Variants in DLGAP2 observed in about 807,000 individuals in gnomAD.
The protein encoded by DLGAP2 is DLG associated protein 2.
Under a neutral mutation model 100.3 loss-of-function variants are expected in DLGAP2, and 26 were observed. The ratio of observed to expected loss-of-function variants is 0.26; its 90% CI spans 0.19 to 0.36. The LOEUF is 0.36. Ranked by LOEUF, DLGAP2 falls within the 10% of genes least tolerant of loss-of-function variation. The pLI, the probability that DLGAP2 is intolerant of heterozygous loss-of-function variation, is 1.00. For synonymous variants in DLGAP2, 886 were observed against 630.1 expected (o/e 1.41, Z -6.08); for missense variants, 1,858 against 1,453.2 (o/e 1.28, Z -4.53).
chr8:1,498,234 G>C (rs1264396026), intron 3 of DLGAP2, among the ~76,000 whole-genome samples: 2 of 152,176 alleles, frequency 1.3e-5, no homozygotes, highest in Non-Finnish European at 2.9e-5. Flanking sequence ...GAAGCCTCCA[G>C]GCAGCAGGCT....
rs531901587 is a variant in DLGAP2, at chr8:1,598,048, A to C, written c.1443-28692A>C. Among the ~76,000 whole-genome samples the C allele has an allele frequency of 2.0e-5, 3 of 152,300 alleles. No individual in the cohort carries two copies. In the South Asian group the frequency reaches 6.2e-4, roughly 32 times the overall value. On this transcript the variant is annotated intron_variant, in intron 6 of 14. Transcript: ENST00000637795. ...ATTGAGATACTTCACATCAATACCT[A>C]GTTTATTGAGAGCTTTTAGCATGAA...
At chr8:954,149 G>A (rs980988059) in intron 2 of DLGAP2, among the ~76,000 whole-genome samples, 1 of 152,086 alleles carries the variant, frequency 6.6e-6, no homozygotes, top group African/African-American at 2.4e-5. Context: ...CACTGCCTAA[G>A]AGAAATTTTT....
intron 3 of DLGAP2, among the ~76,000 whole-genome samples, chr8:1,429,996 G>GTATATATATATATATATATATA (rs1797366228): frequency 3.7e-4 from 1 of 2,668 alleles, no homozygotes; most frequent in African/African-American, 6.5e-4. Context: ...GGGGAGAGAT[G>GTATATATATATATATATATATA]CATATATATA....
intron 3 of DLGAP2, among the ~76,000 whole-genome samples, chr8:1,457,744 C>T (rs1798354482): frequency 2.6e-5 from 4 of 151,894 alleles, no homozygotes; most frequent in South Asian, 2.1e-4. Context: ...CCACACACCT[C>T]CCCCGTCCCA....
intron 1 of DLGAP2, among the ~76,000 whole-genome samples, chr8:871,054 G>C (rs927305858): frequency 7.9e-5 from 12 of 152,188 alleles, no homozygotes; most frequent in Non-Finnish European, 1.5e-4. Context: ...CCTTCCCTGA[G>C]ATGTTCTGTG....
rs911576328 is a variant in DLGAP2 at position 1,703,443 on chromosome 8, T to C, written c.*2037T>C. 6.6e-6 allele frequency: 1 copy of C among 152,654 alleles called. No homozygotes were observed. Among genetic ancestry groups the C allele is most frequent in the African/African-American group, 2.4e-5 (1 of 41,452 alleles). The allele number at this position is 152,654 out of a possible 1,614,324, so 9.5% of individuals were successfully genotyped here. ...CTTCTTCCTATATCCACTCTTATTA[T>C]GTTAAAACAAATGTATTTGCGAGTA... On this transcript the variant is annotated 3_prime_UTR_variant, in exon 15 of 15. Coordinates refer to ENST00000637795, the MANE Select transcript of DLGAP2 (RefSeq NM_001346810.2).
intron 3 of DLGAP2, among the ~76,000 whole-genome samples, chr8:1,308,562 G>C (rs1800544026): frequency 6.6e-6 from 1 of 152,172 alleles, no homozygotes; most frequent in Admixed American, 6.5e-5. Flanking sequence ...TTTCACTCTT[G>C]TTGCCCAGGC....
intron 6 of DLGAP2, among the ~76,000 whole-genome samples, chr8:1,603,717 C>G (rs570698610): frequency 6.6e-6 from 1 of 152,116 alleles, no homozygotes; most frequent in Non-Finnish European, 1.5e-5. Flanking sequence ...GCTCAGCATC[C>G]AGCTCATAGT....
At chr8:1,330,223 A>C (rs536243130) in intron 3 of DLGAP2, among the ~76,000 whole-genome samples, 110 of 145,910 alleles carry the variant, frequency 7.5e-4, no homozygotes, top group African/African-American at 2.7e-3. Context: ...ACTACTTCAC[A>C]GGGACTGAGT....
chr8:1,550,073 A>G (rs905757969), intron 5 of DLGAP2, among the ~76,000 whole-genome samples: 1 of 152,000 alleles, frequency 6.6e-6, no homozygotes, highest in African/African-American at 2.4e-5. Context: ...CTCTGCTCCT[A>G]TGAGTTCAGC....
chr8:925,768 G>A (rs1798801433), intron 2 of DLGAP2, among the ~76,000 whole-genome samples: 1 of 152,160 alleles, frequency 6.6e-6, no homozygotes, highest in Admixed American at 6.5e-5. Context: ...TGACGAGTCT[G>A]AGATCTGCTC....
chr8:1,476,978 A>G (rs1433408788), intron 3 of DLGAP2, among the ~76,000 whole-genome samples: 3 of 152,200 alleles, frequency 2.0e-5, no homozygotes, highest in Non-Finnish European at 4.4e-5. Context: ...TGTGATCTGT[A>G]TGCTTTGTGT....
chr8:1,125,883 A>G (rs1796152141), intron 2 of DLGAP2, among the ~76,000 whole-genome samples: 1 of 152,218 alleles, frequency 6.6e-6, no homozygotes, highest in African/African-American at 2.4e-5. Context: ...GCAGAAAGGC[A>G]GGGAGGACTG....
intron 6 of DLGAP2, among the ~76,000 whole-genome samples, chr8:1,575,886 G>C (rs962198067): frequency 6.6e-6 from 1 of 151,950 alleles, no homozygotes; most frequent in Non-Finnish European, 1.5e-5. Flanking sequence ...ATTTGGGTTG[G>C]TTCCAAGTCT....
At chr8:1,627,974 C>T (rs577949931) in intron 7 of DLGAP2, among the ~76,000 whole-genome samples, 146 of 138,834 alleles carry the variant, frequency 1.1e-3, no homozygotes, top group African/African-American at 4.3e-3. Context: ...TTCTCTCTGA[C>T]TTACTGTGGA....
At chr8:1,018,819 A>G (rs771954910) in intron 2 of DLGAP2, 1 of 152,210 alleles carries the variant, frequency 6.6e-6, no homozygotes, top group Non-Finnish European at 1.5e-5. Context: ...TTGTCTGTTA[A>G]AAAACTGTTT....
chr8:1,050,010 A>C, intron 2 of DLGAP2, among the ~76,000 whole-genome samples: 1 of 152,264 alleles, frequency 6.6e-6, no homozygotes, highest in Admixed American at 6.5e-5. Flanking sequence ...GCACATGCAT[A>C]TGTACACACA....
chr8:1,575,057 A>C (rs1306126416), intron 6 of DLGAP2, among the ~76,000 whole-genome samples: 2 of 152,238 alleles, frequency 1.3e-5, no homozygotes, highest in Non-Finnish European at 2.9e-5. Context: ...GTTAGGTCAT[A>C]ATAACGCACA....
At chr8:1,326,776 A>G (rs1172913371) in intron 3 of DLGAP2, among the ~76,000 whole-genome samples, 1 of 152,252 alleles carries the variant, frequency 6.6e-6, no homozygotes, top group South Asian at 2.1e-4. Flanking sequence ...CTAAGTTCAC[A>G]GCTGTTTCCA....
Sources: allele counts gnomAD v4.1 joint callset (sites outside exome capture counted in the v4.1 genomes callset), GRCh38; gene constraint gnomAD v4.1.1; transcripts MANE v1.5; gene names NCBI Gene and HGNC (gene_info 2026-07-23, HGNC 2026-07-21).